B3GALT1: variants seen among roughly 807,000 people sequenced by gnomAD.
B3GALT1 encodes the protein UDP-Gal:betaGlcNAc beta 1,3-galactosyltransferase, polypeptide 1.
Under a neutral mutation model 23.2 loss-of-function variants are expected in B3GALT1, and 10 were observed. The ratio of observed to expected loss-of-function variants is 0.43; its 90% CI spans 0.27 to 0.73. The LOEUF is 0.73. Ranked by LOEUF, B3GALT1 falls within the 30% of genes least tolerant of loss-of-function variation. B3GALT1 has a pLI of 0.21. For missense variants in B3GALT1, 299 were observed against 405.4 expected (o/e 0.74, Z 2.25); for synonymous variants, 156 against 141.5 (o/e 1.10, Z -0.73).
intron 1 of B3GALT1, among the ~76,000 whole-genome samples, chr2:167,458,158 A>G (rs545000823): frequency 6.6e-6 from 1 of 152,100 alleles, no homozygotes; most frequent in South Asian, 2.1e-4. Flanking sequence ...CCACCACCCT[A>G]CTTTTTGTCT....
chr2:167,667,567 T>C (rs149937640), intron 3 of B3GALT1, among the ~76,000 whole-genome samples: 4,030 of 152,244 alleles, frequency 0.026, 181 homozygotes, highest in African/African-American at 0.092. Flanking sequence ...GTTCCATTCT[T>C]CCCGTCACTT....
At chr2:167,654,315 A>G (rs1266770171) in intron 3 of B3GALT1, among the ~76,000 whole-genome samples, 2 of 152,084 alleles carry the variant, frequency 1.3e-5, no homozygotes, top group Admixed American at 1.3e-4. Flanking sequence ...AGACAAAACT[A>G]ACTCCTTATT....
intron 4 of B3GALT1, among the ~76,000 whole-genome samples, chr2:167,843,968 CT>C (rs1467621927): frequency 1.3e-5 from 2 of 152,160 alleles, no homozygotes; most frequent in Admixed American, 6.5e-5. Flanking sequence ...TCATCTGTCC[CT>C]ATATTCATAT....
chr2:167,341,651 C>G (rs73017755), intron 1 of B3GALT1, among the ~76,000 whole-genome samples: 2,471 of 151,984 alleles, frequency 0.016, 56 homozygotes, highest in East Asian at 0.081. Flanking sequence ...AGGAGAGTGA[C>G]ACTGCATCTC....
chr2:167,355,567 G>T (rs1697387774), intron 1 of B3GALT1, among the ~76,000 whole-genome samples: 2 of 152,044 alleles, frequency 1.3e-5, no homozygotes, highest in South Asian at 4.1e-4. Context: ...TAAATATAGT[G>T]CCATTGTATA....
At chr2:167,848,908 A>AGATTAATGTACAT (rs111574236) in intron 4 of B3GALT1, among the ~76,000 whole-genome samples, 2,056 of 152,280 alleles carry the variant, frequency 0.014, 41 homozygotes, top group African/African-American at 0.047. Flanking sequence ...TCTGGATACA[A>AGATTAATGTACAT]GAATCAGTAG....
chr2:167,458,522 A>G (rs1313716696), intron 1 of B3GALT1, among the ~76,000 whole-genome samples: 2 of 152,162 alleles, frequency 1.3e-5, no homozygotes, highest in African/African-American at 4.8e-5. Context: ...TAATTTTTTG[A>G]GAAACTTCTC....
intron 1 of B3GALT1, among the ~76,000 whole-genome samples, chr2:167,382,746 C>T (rs1342324270): frequency 1.3e-5 from 2 of 152,088 alleles, no homozygotes; most frequent in Non-Finnish European, 2.9e-5. Context: ...GTGGGCGGAG[C>T]AGGTCATGTC....
chr2:167,422,415 G>A (rs1698561641), intron 1 of B3GALT1, among the ~76,000 whole-genome samples: 1 of 152,128 alleles, frequency 6.6e-6, no homozygotes. Context: ...CCAGTCTATG[G>A]TATTTTGTTG....
intron 1 of B3GALT1, among the ~76,000 whole-genome samples, chr2:167,397,991 T>A (rs781380638): frequency 5.3e-5 from 8 of 152,162 alleles, no homozygotes; most frequent in Non-Finnish European, 1.0e-4. Flanking sequence ...CAAAGTAATA[T>A]GACATTGCTT....
chr2:167,513,737 G>A (rs905828162), intron 2 of B3GALT1, among the ~76,000 whole-genome samples: 1 of 151,840 alleles, frequency 6.6e-6, no homozygotes, highest in African/African-American at 2.4e-5. Context: ...TTATTTTTGT[G>A]TATGTTGAAA....
intron 1 of B3GALT1, among the ~76,000 whole-genome samples, chr2:167,404,606 T>C (rs955173583): frequency 6.6e-6 from 1 of 152,178 alleles, no homozygotes; most frequent in Admixed American, 6.5e-5. Context: ...AGTATAAATA[T>C]GTTCACTATA....
At chr2:167,574,141 T>G (rs1229167221) in intron 2 of B3GALT1, among the ~76,000 whole-genome samples, 2 of 151,690 alleles carry the variant, frequency 1.3e-5, no homozygotes, top group African/African-American at 2.4e-5. Flanking sequence ...TCAAATTCAG[T>G]ACCATAAAAT....
intron 2 of B3GALT1, among the ~76,000 whole-genome samples, chr2:167,566,053 T>C (rs1334060218): frequency 2.0e-5 from 3 of 151,980 alleles, no homozygotes; most frequent in East Asian, 1.9e-4. Flanking sequence ...CATGCATACA[T>C]ATGTTTATTG....
At chr2:167,425,224 T>C (rs1401974039) in intron 1 of B3GALT1, among the ~76,000 whole-genome samples, 2 of 152,182 alleles carry the variant, frequency 1.3e-5, no homozygotes, top group East Asian at 3.9e-4. Flanking sequence ...AGAGTGCAAA[T>C]CTAAAAATGT....
chr2:167,438,295 T>C (rs1698818315), intron 1 of B3GALT1, among the ~76,000 whole-genome samples: 1 of 152,120 alleles, frequency 6.6e-6, no homozygotes, highest in African/African-American at 2.4e-5. Context: ...AAACAAGAAG[T>C]TTCTCTGGGA....
intron 2 of B3GALT1, among the ~76,000 whole-genome samples, chr2:167,493,553 A>G (rs1264033407): frequency 1.3e-5 from 2 of 152,210 alleles, no homozygotes; most frequent in Non-Finnish European, 2.9e-5. Flanking sequence ...TAAAAATTAA[A>G]CAACTAACAT....
At chr2:167,800,419 C>T (rs535546062) in intron 3 of B3GALT1, among the ~76,000 whole-genome samples, 3 of 152,300 alleles carry the variant, frequency 2.0e-5, no homozygotes, top group East Asian at 1.9e-4. Context: ...GAACTACCCT[C>T]CCCACACCCA....
At chr2:167,580,247 A>G (rs1286851513) in intron 2 of B3GALT1, among the ~76,000 whole-genome samples, 1 of 152,192 alleles carries the variant, frequency 6.6e-6, no homozygotes, top group Admixed American at 6.5e-5. Flanking sequence ...AATTTAAACA[A>G]AAATACTTAT....
Sources: gnomAD v4.1 joint callset for allele counts (sites outside exome capture counted in the v4.1 genomes callset) on GRCh38, gnomAD v4.1.1 for gene constraint, MANE v1.5 for transcripts, NCBI Gene and HGNC (gene_info 2026-07-23, HGNC 2026-07-21) for gene names.